ATXN7: variants seen among roughly 807,000 people sequenced by gnomAD.
ATXN7 encodes the protein ataxin 7.
Under a neutral mutation model 70.5 loss-of-function variants are expected in ATXN7, and 12 were observed. That is an observed-to-expected ratio of 0.17 (90% CI 0.11 to 0.28). The LOEUF (loss-of-function observed/expected upper bound fraction) is 0.28, where lower values mean the gene tolerates loss of function less well. Among genes scored for constraint, ATXN7 ranks in the 10% least tolerant of loss-of-function variants. ATXN7 has a pLI of 1.00. For synonymous variants in ATXN7, 498 were observed against 448.7 expected (o/e 1.11, Z -1.39); for missense variants, 1,256 against 1,131.7 (o/e 1.11, Z -1.58).
chr3:63,913,670 C>T (rs1462105051), intron 4 of ATXN7, among the ~76,000 whole-genome samples: 1 of 152,118 alleles, frequency 6.6e-6, no homozygotes, highest in Non-Finnish European at 1.5e-5. Context: ...ATTTAAGGTA[C>T]AAGTTGGGGA....
chr3:63,987,838 T>G (rs2075603551), intron 8 of ATXN7, among the ~76,000 whole-genome samples: 1 of 152,062 alleles, frequency 6.6e-6, no homozygotes, highest in African/African-American at 2.4e-5. Flanking sequence ...GAAATAACAT[T>G]TCCAGATTCT....
In ATXN7 at chr3:64,000,941, T is replaced by C. The variant is rs2075826770; in HGVS notation, c.*1474T>C. The C allele has an allele frequency of 6.6e-6, 1 of 152,076 alleles. No homozygotes were observed. The highest frequency in any genetic ancestry group is 1.5e-5 in the Non-Finnish European group (1 of 68,026). 9.4% of individuals were successfully genotyped at this position (152,076 alleles called of 1,614,324 possible). A position where few individuals can be genotyped will look rare whatever the true frequency, so the allele number is the denominator to read the frequency against. On this transcript the variant is annotated 3_prime_UTR_variant, in exon 13 of 13. Coordinates refer to ENST00000674280, the MANE Select transcript of ATXN7 (RefSeq NM_001377405.1). Reference sequence around the variant, plus strand: ...GGCTCCTGACACGAGTAACAGGCACTGTTGCTTAGAAGAACACACGAAGTT... The same window carrying C: ...GGCTCCTGACACGAGTAACAGGCACCGTTGCTTAGAAGAACACACGAAGTT...
chr3:63,954,972 G>A (rs2075017409), intron 5 of ATXN7, among the ~76,000 whole-genome samples: 3 of 152,080 alleles, frequency 2.0e-5, no homozygotes, highest in African/African-American at 4.8e-5. Context: ...CCTTCCCAAA[G>A]TACAGGGAAT....
In ATXN7 at chr3:63,995,678, C is replaced by T; in HGVS notation, c.1856C>T (p.Pro619Leu). The T allele has an allele frequency of 6.2e-7, 1 of 1,614,182 alleles. No individual in the cohort carries two copies. Among genetic ancestry groups the T allele is most frequent in the Admixed American group, 1.7e-5 (1 of 60,030 alleles). The change falls in exon 12 of 13, where the codon CCA becomes CTA. Residue 619 changes from proline (P) to leucine (L), a missense_variant. Transcript: ENST00000674280. ...ATCTCCCCAAATAGCAAATCGGTAC[C>T]AGCTCATGGAACCACACTAAATGCA... is the stretch of plus-strand genomic sequence containing the variant. Reference protein sequence around the residue: ...TCISPNSKSVPAHGTTLNAQP... With the variant: ...TCISPNSKSVLAHGTTLNAQP...
chr3:63,955,988 C>T (rs1395646640), intron 5 of ATXN7, among the ~76,000 whole-genome samples: 1 of 152,142 alleles, frequency 6.6e-6, no homozygotes, highest in Non-Finnish European at 1.5e-5. Context: ...AGTTAAGAAG[C>T]CCTGTACTTT....
At chr3:63,882,614 G>A (rs1192606898) in intron 1 of ATXN7, among the ~76,000 whole-genome samples, 2 of 151,998 alleles carry the variant, frequency 1.3e-5, no homozygotes, top group African/African-American at 2.4e-5. Context: ...TTGAATGGCT[G>A]TCTTAAGGTA....
In ATXN7 at chr3:63,923,533, G is replaced by A. The variant is rs570730885; in HGVS notation, c.394+10308G>A. Among the ~76,000 whole-genome samples, 38 of 152,298 alleles carry A rather than the reference G, an allele frequency of 2.5e-4. 1 individual carries two copies. In the South Asian group the frequency reaches 7.0e-3, roughly 28 times the overall value. On this transcript the variant is annotated intron_variant, in intron 4 of 12. Transcript: ENST00000674280. ...AGAAAGAAGTAGCCACAGGCTGGGC[G>A]TGGTGGCTCACACTTGTAATCCTAG...
chr3:63,959,099 T>A (rs1270070168), intron 5 of ATXN7, among the ~76,000 whole-genome samples: 1 of 152,204 alleles, frequency 6.6e-6, no homozygotes, highest in Admixed American at 6.5e-5. Flanking sequence ...GATAATTGAT[T>A]TAGCGTAGTC....
chr3:63,970,286 C>T (rs2075288946), intron 5 of ATXN7, among the ~76,000 whole-genome samples: 2 of 152,086 alleles, frequency 1.3e-5, no homozygotes, highest in African/African-American at 4.8e-5. Flanking sequence ...GGATGATAAT[C>T]CTCTGGTCAA....
intron 5 of ATXN7, among the ~76,000 whole-genome samples, chr3:63,964,837 C>T (rs115255054): frequency 0.027 from 4,042 of 152,214 alleles, 97 homozygotes; most frequent in African/African-American, 0.067. Flanking sequence ...ACTTTTTTCC[C>T]CTTTCAAGTG....
rs2075460741 is a variant in ATXN7 at position 63,980,113 on chromosome 3, G to A, written c.698G>A (p.Gly233Glu). 1 of 1,614,160 alleles carries A rather than the reference G, an allele frequency of 6.2e-7. No homozygotes were observed. The highest frequency in any genetic ancestry group is 8.5e-7 in the Non-Finnish European group (1 of 1,180,032). ...KSPKEKLQLR[G>E]NTRPMHPIQQ... Reference sequence around the variant, plus strand: ...CCCAAAGAGAAACTGCAGCTCAGGGGGAACACCAGGCCAATGCATCCCATT... The same window carrying A: ...CCCAAAGAGAAACTGCAGCTCAGGGAGAACACCAGGCCAATGCATCCCATT... Residue 233 changes from glycine (G) to glutamate (E), a missense_variant, in exon 6 of 13, where the codon GGG (glycine) becomes GAG (glutamate). Physicochemically the swap from Gly to Glu is moderately conservative, Grantham distance 98. Coordinates refer to ENST00000674280, the MANE Select transcript of ATXN7 (RefSeq NM_001377405.1).
intron 4 of ATXN7, among the ~76,000 whole-genome samples, chr3:63,924,203 T>C (rs767105111): frequency 5.3e-5 from 8 of 152,160 alleles, no homozygotes; most frequent in African/African-American, 1.2e-4. Context: ...AGCAACTGAA[T>C]GGTACCACTT....
intron 4 of ATXN7, among the ~76,000 whole-genome samples, chr3:63,929,829 A>G (rs1340932704): frequency 6.6e-6 from 1 of 152,204 alleles, no homozygotes; most frequent in Non-Finnish European, 1.5e-5. Context: ...CAGGGCGGGC[A>G]CAAGGCCGAT....
At chr3:63,935,591 A>C (rs2074646496) in intron 4 of ATXN7, among the ~76,000 whole-genome samples, 1 of 152,116 alleles carries the variant, frequency 6.6e-6, no homozygotes, top group African/African-American at 2.4e-5. Context: ...TTTCCCCAGT[A>C]GTGAGCTCAG....
intron 5 of ATXN7, among the ~76,000 whole-genome samples, chr3:63,967,591 C>A (rs947475200): frequency 2.6e-5 from 4 of 152,052 alleles, no homozygotes; most frequent in Non-Finnish European, 5.9e-5. Flanking sequence ...AAAAAAAATT[C>A]ACAAAATATA....
intron 6 of ATXN7, among the ~76,000 whole-genome samples, 191 bp from the exon 7 acceptor site, chr3:63,981,995 C>G (rs1056691880): frequency 9.9e-5 from 15 of 152,144 alleles, no homozygotes; most frequent in Admixed American, 7.2e-4. Context: ...AGGGTTTTGC[C>G]TCACCAGAAG....
rs34205947 is a variant in ATXN7, at chr3:63,865,894, CAAAAAAAAAAAAAAAAAAA to C, written c.-111+1749_-111+1767del. Among the ~76,000 whole-genome samples, 4 of 16,556 alleles carry C rather than the reference CAAAAAAAAAAAAAAAAAAA, an allele frequency of 2.4e-4. 1 individual carries two copies. The highest frequency in any genetic ancestry group is 2.2e-3 in the East Asian group (1 of 450). 10.9% of individuals were successfully genotyped at this position (16,556 alleles called of 152,430 possible). On this transcript the variant is annotated intron_variant, in intron 1 of 12. Coordinates refer to ENST00000674280, the MANE Select transcript of ATXN7 (RefSeq NM_001377405.1). ...TGGGCGACAGAGCGAGACTCCATCT[CAAAAAAAAAAAAAAAAAAA>C]AAAAAAAAAAAAGAAAGTAATTGTC...
intron 4 of ATXN7, 95 bp downstream of exon 4, chr3:63,913,320 T>C: frequency 8.2e-7 from 1 of 1,216,602 alleles, no homozygotes; most frequent in Non-Finnish European, 1.2e-6. Flanking sequence ...CCATACCGAC[T>C]CCCCGACTCC....
At chr3:63,869,534 C>T (rs994139050) in intron 1 of ATXN7, among the ~76,000 whole-genome samples, 6 of 152,126 alleles carry the variant, frequency 3.9e-5, no homozygotes, top group African/African-American at 9.7e-5. Flanking sequence ...AAGCTATTCT[C>T]GTGCCTCAGC....
Sources: allele counts gnomAD v4.1 joint callset (sites outside exome capture counted in the v4.1 genomes callset), GRCh38; gene constraint gnomAD v4.1.1; transcripts MANE v1.5; gene names NCBI Gene and HGNC (gene_info 2026-07-23, HGNC 2026-07-21).